The following FGFR1 variants were observed in gnomAD, a reference collection of about 807,000 sequenced individuals.
The protein encoded by FGFR1 is fibroblast growth factor receptor 1.
In FGFR1, 18 loss-of-function variants were observed where a neutral mutation model predicts 93.7. The observed-to-expected ratio is 0.19, with a 90% CI of 0.13 to 0.28. FGFR1 has a LOEUF of 0.28. Ranked by LOEUF, FGFR1 falls within the 10% of genes least tolerant of loss-of-function variation. The probability of loss-of-function intolerance (pLI) is 1.00; values close to 1 mark genes in which losing one functional copy is unlikely to be tolerated. For missense variants in FGFR1, 731 were observed against 1,080.4 expected (o/e 0.68, Z 4.53); for synonymous variants, 448 against 429.3 (o/e 1.04, Z -0.54).
chr8:38,443,325 G>C (rs1202920597), intron 2 of FGFR1, among the ~76,000 whole-genome samples: 1 of 152,040 alleles, frequency 6.6e-6, no homozygotes, highest in African/African-American at 2.4e-5. Context: ...ACATCATACC[G>C]TACCCGACGA....
At chr8:38,464,695 T>G (rs1465882873) in intron 1 of FGFR1, among the ~76,000 whole-genome samples, 1 of 152,140 alleles carries the variant, frequency 6.6e-6, no homozygotes, top group Non-Finnish European at 1.5e-5. Context: ...GGAAGACAAA[T>G]GTAAGACACA....
intron 2 of FGFR1, among the ~76,000 whole-genome samples, chr8:38,446,337 A>G: frequency 6.6e-6 from 1 of 151,422 alleles, no homozygotes; most frequent in East Asian, 2.0e-4. Flanking sequence ...CAGCCTCCCG[A>G]GTACTTGGGA....
At chr8:38,453,316 G>C (rs868623901) in intron 2 of FGFR1, among the ~76,000 whole-genome samples, 31 of 152,240 alleles carry the variant, frequency 2.0e-4, no homozygotes, top group African/African-American at 7.0e-4. Flanking sequence ...GAGGCCCAGG[G>C]AAAGGGACCC....
At chr8:38,431,997 G>A (rs529101531) in intron 2 of FGFR1, among the ~76,000 whole-genome samples, 81 of 152,256 alleles carry the variant, frequency 5.3e-4, no homozygotes, top group Middle Eastern at 3.4e-3. Context: ...AAATGACCTC[G>A]GTGATTAAAT....
At chr8:38,466,889 C>T (rs919653096) in intron 1 of FGFR1, among the ~76,000 whole-genome samples, 2 of 23,892 alleles carry the variant, frequency 8.4e-5, no homozygotes, top group Non-Finnish European at 2.2e-4. Flanking sequence ...ACAGGCTTCA[C>T]ACCCCACCCC....
At position 38,419,568 on chromosome 8, in the gene FGFR1, G is replaced by A. The variant is rs757478635; in HGVS notation, c.1249C>T (p.Leu417=). 1.2e-6 allele frequency: 2 copies of A among 1,614,122 alleles called. No individual in the cohort carries two copies. The highest frequency in any genetic ancestry group is 1.7e-6 in the Non-Finnish European group (2 of 1,180,010). ...CTGCGCAGAGGGATGCTCTTGGCCA[G>A]CTTGTGCACAGCCATCTGGCTGTGG... ...DFHSQMAVHK[L]AKSIPLRRQV... is the part of the protein sequence containing the mutation. Residue 417 remains leucine (L), a synonymous_variant, in exon 9 of 18, where the codon CTG becomes TTG. Transcript: ENST00000447712.
chr8:38,425,428 G>GT (rs1298637016), intron 6 of FGFR1, among the ~76,000 whole-genome samples: 1 of 152,146 alleles, frequency 6.6e-6, no homozygotes, highest in Non-Finnish European at 1.5e-5. Flanking sequence ...GATCACAGGC[G>GT]TGAGTAATCC....
chr8:38,455,357 T>C (rs935370707), intron 2 of FGFR1, among the ~76,000 whole-genome samples: 3 of 152,212 alleles, frequency 2.0e-5, no homozygotes, highest in Non-Finnish European at 2.9e-5. Flanking sequence ...CTCAGCTCAC[T>C]GCATGCTCTG....
At chr8:38,452,955 G>A (rs1269173717) in intron 2 of FGFR1, among the ~76,000 whole-genome samples, 3 of 152,118 alleles carry the variant, frequency 2.0e-5, no homozygotes, top group African/African-American at 2.4e-5. Context: ...CCAGCCTCGC[G>A]ACAGAGTGAG....
chr8:38,423,115 G>A (rs763651485), intron 7 of FGFR1: 2 of 779,536 alleles, frequency 2.6e-6, no homozygotes, highest in Non-Finnish European at 4.8e-6. Flanking sequence ...TCCCCGCTCT[G>A]GGCCTCTGTC....
At chr8:38,460,977 G>C (rs1183486263) in intron 1 of FGFR1, 2 of 1,328,418 alleles carry the variant, frequency 1.5e-6, no homozygotes, top group East Asian at 5.0e-5. Context: ...CCCCCGCCCC[G>C]TCTCTCCAAT....
At chr8:38,444,469 G>T (rs1405172728) in intron 2 of FGFR1, among the ~76,000 whole-genome samples, 1 of 150,188 alleles carries the variant, frequency 6.7e-6, no homozygotes, top group African/African-American at 2.5e-5. Flanking sequence ...GCTCACTGCA[G>T]CCTCCACCTC....
At chr8:38,433,577 AGTTAG>A (rs1446041255) in intron 2 of FGFR1, among the ~76,000 whole-genome samples, 1 of 152,134 alleles carries the variant, frequency 6.6e-6, no homozygotes, top group Non-Finnish European at 1.5e-5. Context: ...TTGCATCTTC[AGTTAG>A]CAAGTGCTGG....
intron 7 of FGFR1, chr8:38,423,315 T>G: frequency 6.0e-6 from 2 of 332,798 alleles, no homozygotes; most frequent in Non-Finnish European, 1.1e-5. Flanking sequence ...CCTTTTAGTT[T>G]TTTTTTTTTT....
Position 38,413,776 on chromosome 8 carries a change from T to G in FGFR1, c.2321A>C (p.Asp774Ala). The change falls in exon 18 of 18, where the codon GAC (aspartate) becomes GCC (alanine). Residue 774 changes from aspartate to alanine, a missense_variant. Asp to Ala is a moderately radical substitution (Grantham distance 126, BLOSUM62 -2). Around this residue, in one of 10 missense-constraint regions of FGFR1, gnomAD observed 79 missense variants for 97.2 expected, o/e 0.81. Transcript: ENST00000447712. This position sits in a 1 kb window ranked among gnomAD's most constrained non-coding sequence, Gnocchi z 4.2. ...QEYLDLSMPL[D>A]QYSPSFPDTR... The stretch of plus-strand genomic sequence containing the variant: ...GTCGGGAAAGCTGGGGGAGTACTGG[T>G]CCAGGGGCATGGACAGGTCCAGGTA... 2 of 1,614,002 alleles carry G rather than the reference T, an allele frequency of 1.2e-6. No homozygotes were observed.
chr8:38,464,769 A>C, intron 1 of FGFR1, among the ~76,000 whole-genome samples: 1 of 152,200 alleles, frequency 6.6e-6, no homozygotes, highest in Non-Finnish European at 1.5e-5. Context: ...AGACATTTGA[A>C]TCAATTCTAA....
In FGFR1 at chr8:38,425,820, T is replaced by G. The variant is rs184442995; in HGVS notation, c.745+302A>C. ...CATCTTGCTAGCATTAAGCGACAGCTCCTATTACGCTACATTTAACACCTC... is the reference window on the plus strand; with the variant it reads ...CATCTTGCTAGCATTAAGCGACAGCGCCTATTACGCTACATTTAACACCTC... On this transcript the variant is annotated intron_variant, in intron 6 of 17. Transcript: ENST00000447712. 882 of 435,762 alleles carry G rather than the reference T, an allele frequency of 2.0e-3. 10 individuals are homozygous for G. Among genetic ancestry groups the G allele is most frequent in the African/African-American group, 0.016 (797 of 49,820 alleles). The allele number at this position is 435,762 out of a possible 1,614,324, so 27.0% of individuals were successfully genotyped here. A position where few individuals can be genotyped will look rare whatever the true frequency, so the allele number is the denominator to read the frequency against.
Position 38,421,899 on chromosome 8 carries a change from G to A in FGFR1, c.979C>T (p.His327Tyr), listed in dbSNP as rs759233744. 3.1e-6 allele frequency: 5 copies of A among 1,614,162 alleles called. No individual in the cohort carries two copies. The highest frequency in any genetic ancestry group is 4.2e-6 in the Non-Finnish European group (5 of 1,180,024). ...NTTDKEMEVL[H>Y]LRNVSFEDAG... ...TCCTCAAAGGAGACATTTCTTAAGT[G>A]AAGCACCTCCATCTCTTTGTCGGTG... Residue 327 changes from histidine (H) to tyrosine (Y), a missense_variant, in exon 8 of 18, where the codon CAC (histidine) becomes TAC (tyrosine). Transcript: ENST00000447712.
chr8:38,462,885 T>A (rs1156732272), intron 1 of FGFR1, among the ~76,000 whole-genome samples: 1 of 148,416 alleles, frequency 6.7e-6, no homozygotes, highest in Admixed American at 6.8e-5. Flanking sequence ...ATTACAGGCA[T>A]GAGCCACTGT....
Sources: allele counts gnomAD v4.1 joint callset (sites outside exome capture counted in the v4.1 genomes callset), GRCh38; gene constraint gnomAD v4.1.1; regional missense constraint gnomAD v4.1.1; non-coding constraint Gnocchi (gnomAD v3.1); transcripts MANE v1.5; gene names NCBI Gene and HGNC (gene_info 2026-07-23, HGNC 2026-07-21).